The following SH3BGRL2 variants were observed in gnomAD, a reference collection of about 807,000 sequenced individuals.
SH3BGRL2 encodes the protein SH3 domain binding glutamate rich protein like 2, also known as SH3 domain-binding glutamic acid-rich-like protein 2.
A neutral mutation model predicts 14.8 loss-of-function variants in SH3BGRL2; 21 were observed. The observed-to-expected ratio is 1.42, with a 90% confidence interval of 1.01 to 2.05. The LOEUF is 2.05. Ranked by LOEUF, SH3BGRL2 falls within the 30% of genes most tolerant of loss-of-function variation. The pLI is 0.00. For synonymous variants in SH3BGRL2, 50 were observed against 47.8 expected (o/e 1.05, Z -0.19); for missense variants, 147 against 130.8 (o/e 1.12, Z -0.61).
chr6:79,606,471 G>A, the SH3BGRL2 span, among the ~76,000 whole-genome samples: 1 of 152,170 alleles, frequency 6.6e-6, no homozygotes, highest in Admixed American at 6.5e-5. Flanking sequence ...ACACTGCTGG[G>A]TAGTACAACT....
At position 79,662,574 on chromosome 6, in the gene SH3BGRL2, T is replaced by C. The variant is rs1245289641; in HGVS notation, c.46-11040T>C. On this transcript the variant is annotated intron_variant, in intron 1 of 3. Transcript: ENST00000369838. ...CCCGACCTTTCTCTCTGGCCGCCCT[T>C]AACATTTTTTTCCTTCATTTCAACC... Among the ~76,000 whole-genome samples, 4 of 152,296 alleles carry C rather than the reference T, an allele frequency of 2.6e-5. No homozygotes were observed. The East Asian group carries it at 7.7e-4, about 29-fold the overall frequency.
At chr6:79,570,035 G>T in the SH3BGRL2 span, among the ~76,000 whole-genome samples, 3 of 152,140 alleles carry the variant, frequency 2.0e-5, no homozygotes, top group Non-Finnish European at 4.4e-5. Context: ...TTTGCTTTGT[G>T]CTGAGTAGCA....
At chr6:79,689,718 G>A (rs1336765271) in intron 2 of SH3BGRL2, among the ~76,000 whole-genome samples, 1 of 151,956 alleles carries the variant, frequency 6.6e-6, no homozygotes, top group Non-Finnish European at 1.5e-5. Flanking sequence ...TATTTCCAAT[G>A]TTATGATTTG....
At chr6:79,631,292 GC>G, upstream of SH3BGRL2, 1 of 484,546 alleles carries the variant, frequency 2.1e-6, no homozygotes. Flanking sequence ...GCCGGGCGGC[GC>G]TGGGCTTTTA....
chr6:79,616,808 C>G, the SH3BGRL2 span, among the ~76,000 whole-genome samples: 1 of 152,164 alleles, frequency 6.6e-6, no homozygotes, highest in Non-Finnish European at 1.5e-5. Context: ...TTTTGGGAAG[C>G]TCTGCTCAGG....
the SH3BGRL2 span, among the ~76,000 whole-genome samples, chr6:79,616,386 G>C: frequency 1.3e-5 from 2 of 152,172 alleles, no homozygotes; most frequent in Non-Finnish European, 2.9e-5. Context: ...AGGAAAGGCA[G>C]AAAAATAAAG....
At chr6:79,679,357 G>A (rs1477487486) in intron 2 of SH3BGRL2, among the ~76,000 whole-genome samples, 1 of 151,030 alleles carries the variant, frequency 6.6e-6, no homozygotes, top group African/African-American at 2.4e-5. Flanking sequence ...TTTCTCTGAT[G>A]ATTAGTAATG....
At chr6:79,669,519 A>G (rs1273572870) in intron 1 of SH3BGRL2, among the ~76,000 whole-genome samples, 2 of 140,152 alleles carry the variant, frequency 1.4e-5, no homozygotes, top group Non-Finnish European at 3.0e-5. Context: ...CAATGGCCTG[A>G]TCTCTGCTTA....
the SH3BGRL2 span, among the ~76,000 whole-genome samples, chr6:79,550,609 T>C: frequency 5.9e-5 from 9 of 152,190 alleles, no homozygotes; most frequent in Non-Finnish European, 8.8e-5. Context: ...TAGAGTTAGC[T>C]TCATGATCAC....
At chr6:79,562,829 CA>C in the SH3BGRL2 span, among the ~76,000 whole-genome samples, 28 of 151,024 alleles carry the variant, frequency 1.9e-4, no homozygotes, top group Admixed American at 6.6e-4. Context: ...ACAAAACTAG[CA>C]AAAAAAAACT....
chr6:79,616,248 C>G, the SH3BGRL2 span, among the ~76,000 whole-genome samples: 1 of 152,190 alleles, frequency 6.6e-6, no homozygotes, highest in Non-Finnish European at 1.5e-5. Context: ...AGTGGCACAG[C>G]ATGCTCACAC....
At chr6:79,618,690 G>A in the SH3BGRL2 span, among the ~76,000 whole-genome samples, 2 of 151,674 alleles carry the variant, frequency 1.3e-5, no homozygotes, top group Admixed American at 6.6e-5. Context: ...TGGCCAAGGC[G>A]GGTGGATCAC....
the SH3BGRL2 span, chr6:79,561,570 A>T: frequency 6.6e-6 from 1 of 152,228 alleles, no homozygotes; most frequent in Admixed American, 6.5e-5. Context: ...GCAAACGTGC[A>T]TCTAAATAAA....
Position 79,699,653 on chromosome 6 carries a change from G to T in SH3BGRL2, c.*144G>T, listed in dbSNP as rs901469787. The T allele has an allele frequency of 2.3e-5, 26 of 1,143,862 alleles. No individual in the cohort carries two copies. The highest frequency in any genetic ancestry group is 2.7e-5 in the Non-Finnish European group (23 of 851,282). 70.9% of individuals were successfully genotyped at this position (1,143,862 alleles called of 1,614,324 possible). The stretch of plus-strand genomic sequence containing the variant: ...TGCCACGGAAAAGGTGTTTTTGAAA[G>T]ATGTGGCTATAATGAGAATTGCATG... On this transcript the variant is annotated 3_prime_UTR_variant, in exon 4 of 4. Transcript: ENST00000369838.
At chr6:79,611,952 A>T in the SH3BGRL2 span, among the ~76,000 whole-genome samples, 1 of 152,158 alleles carries the variant, frequency 6.6e-6, no homozygotes, top group Admixed American at 6.5e-5. Context: ...TGGCTTGATA[A>T]ATACCAGCTA....
chr6:79,649,552 A>G (rs776621138), intron 1 of SH3BGRL2, among the ~76,000 whole-genome samples: 12 of 151,778 alleles, frequency 7.9e-5, no homozygotes, highest in Non-Finnish European at 1.6e-4. Context: ...TTTGCCTTTC[A>G]TCATCTCTTC....
rs1401083537 is a variant in SH3BGRL2 at position 79,703,228 on chromosome 6, G to A, written c.*3719G>A. 1.3e-5 allele frequency: 2 copies of A among 152,140 alleles called. No individual in the cohort carries two copies. The highest frequency in any genetic ancestry group is 2.9e-5 in the Non-Finnish European group (2 of 68,042). 9.4% of individuals were successfully genotyped at this position (152,140 alleles called of 1,614,324 possible). A position where few individuals can be genotyped will look rare whatever the true frequency, so the allele number is the denominator to read the frequency against. On this transcript the variant is annotated 3_prime_UTR_variant, in exon 4 of 4. Coordinates refer to ENST00000369838, the MANE Select transcript of SH3BGRL2 (RefSeq NM_031469.4). ...GGGCAATATCTCTACTCTCAAGTAT[G>A]AGGGGAATAGAAACAAAGCAGCAGT...
At chr6:79,691,838 C>T (rs1473032348) in intron 2 of SH3BGRL2, among the ~76,000 whole-genome samples, 1 of 151,556 alleles carries the variant, frequency 6.6e-6, no homozygotes, top group Non-Finnish European at 1.5e-5. Flanking sequence ...GTCTTTATAG[C>T]AGCATGATTT....
At chr6:79,614,617 G>A in the SH3BGRL2 span, among the ~76,000 whole-genome samples, 12 of 152,222 alleles carry the variant, frequency 7.9e-5, no homozygotes, top group East Asian at 2.3e-3. Flanking sequence ...GCCCCGATGT[G>A]GTGCTGCCAC....
Sources: allele counts gnomAD v4.1 joint callset (sites outside exome capture counted in the v4.1 genomes callset), GRCh38; gene constraint gnomAD v4.1.1; transcripts MANE v1.5; gene names NCBI Gene and HGNC (gene_info 2026-07-23, HGNC 2026-07-21).